The following PHKG1 variants were observed in gnomAD, a reference collection of about 807,000 sequenced individuals.
The protein encoded by PHKG1 is phosphorylase kinase catalytic subunit gamma 1.
Under a neutral mutation model 50.5 loss-of-function variants are expected in PHKG1, and 48 were observed. The ratio of observed to expected loss-of-function variants is 0.95; its 90% CI spans 0.75 to 1.21. The LOEUF (loss-of-function observed/expected upper bound fraction) is 1.21, where lower values mean the gene tolerates loss of function less well. Among genes scored for constraint, PHKG1 ranks in the 50% most tolerant of loss-of-function variants. PHKG1 has a pLI of 0.00. For missense variants in PHKG1, 487 were observed against 519.5 expected (o/e 0.94, Z 0.61); for synonymous variants, 204 against 212.8 (o/e 0.96, Z 0.36).
intron 1 of PHKG1, among the ~76,000 whole-genome samples, chr7:56,089,481 T>TC (rs1423673847): frequency 2.0e-5 from 3 of 150,818 alleles, no homozygotes; most frequent in African/African-American, 4.9e-5. Context: ...CGATTATAGC[T>TC]CACTGCCGGC....
chr7:56,089,084 G>T, intron 1 of PHKG1, 109 bp from the exon 2 acceptor site: 2 of 597,152 alleles, frequency 3.3e-6, no homozygotes, highest in South Asian at 2.1e-5. Context: ...CACTACACTG[G>T]CCTATAGTGA....
In PHKG1 at chr7:56,081,546, G is replaced by A. The variant is rs571015532; in HGVS notation, c.918+84C>T. 347 of 1,487,974 alleles carry A rather than the reference G, an allele frequency of 2.3e-4. 2 individuals are homozygous for A. The highest frequency in any genetic ancestry group is 1.4e-3 in the South Asian group (117 of 84,786). 92.2% of individuals were successfully genotyped at this position (1,487,974 alleles called of 1,614,324 possible). A position where few individuals can be genotyped will look rare whatever the true frequency, so the allele number is the denominator to read the frequency against. ...AGGGATGGGTACTCTGGAAATTCAC[G>A]GGGTGTAAGGACTCCTGGGAGAGGA... On this transcript the variant is annotated intron_variant, in intron 9 of 9. Coordinates refer to ENST00000297373, the MANE Select transcript of PHKG1 (RefSeq NM_006213.5). This position sits in a 1 kb window ranked among gnomAD's most constrained non-coding sequence, Gnocchi z 4.6.
At chr7:56,085,337 A>G (rs752556681) in intron 4 of PHKG1, among the ~76,000 whole-genome samples, 8 of 152,076 alleles carry the variant, frequency 5.3e-5, no homozygotes, top group African/African-American at 1.9e-4. Flanking sequence ...GCCTCAAGCA[A>G]TCCTCCCACC....
At chr7:56,091,558 T>G (rs917829455) in intron 1 of PHKG1, among the ~76,000 whole-genome samples, 2 of 151,172 alleles carry the variant, frequency 1.3e-5, no homozygotes, top group Admixed American at 6.6e-5. Context: ...GATGCAGGAT[T>G]TGAGGAATGC....
At position 56,081,335 on chromosome 7, in the gene PHKG1, C is replaced by T; in HGVS notation, c.919-36G>A. 1 of 1,576,120 alleles carries T rather than the reference C, an allele frequency of 6.3e-7. No homozygotes were observed. Among genetic ancestry groups the T allele is most frequent in the Non-Finnish European group, 8.6e-7 (1 of 1,167,820 alleles). On this transcript the variant is annotated intron_variant, in intron 9 of 9. Coordinates refer to ENST00000297373, the MANE Select transcript of PHKG1 (RefSeq NM_006213.5). The surrounding 1 kb of genome is among the most constrained non-coding windows in gnomAD (Gnocchi z 4.6). ...AGGCGGAGAAGCTGGGCTGCAGCCCCCGCCCTGCCAGGCCCTGCCCCTCCA... is the reference window on the plus strand; with the variant it reads ...AGGCGGAGAAGCTGGGCTGCAGCCCTCGCCCTGCCAGGCCCTGCCCCTCCA...
rs141230469 is a variant in PHKG1, at chr7:56,081,068, C to T, written c.1150G>A (p.Glu384Lys). 53 of 1,612,410 alleles carry T rather than the reference C, an allele frequency of 3.3e-5. No individual in the cohort carries two copies. Among genetic ancestry groups the T allele is most frequent in the Middle Eastern group, 2.0e-4 (1 of 4,980 alleles). The part of the protein sequence containing the change: ...TPKAVLLSLA[E>K]EDY ...TGGCCAGCCCCTCAGTAGTCCTCCT[C>T]GGCCAGGGAGAGGAGCACGGCCTTG... is the stretch of plus-strand genomic sequence containing the variant. The change falls in exon 10 of 10, where the codon GAG becomes AAG. Residue 384 changes from glutamate (E) to lysine (K), a missense_variant. Glu to Lys is a moderately conservative substitution (Grantham distance 56). Transcript: ENST00000297373. This position sits in a 1 kb window ranked among gnomAD's most constrained non-coding sequence, Gnocchi z 4.6.
chr7:56,088,138 A>C (rs984562432), intron 2 of PHKG1, among the ~76,000 whole-genome samples: 1 of 149,668 alleles, frequency 6.7e-6, no homozygotes, highest in Non-Finnish European at 1.5e-5. Context: ...GGGTTCAAGC[A>C]ATTCTCTTGC....
rs1584615013 is a variant in PHKG1, at chr7:56,080,725, G to A, written c.*329C>T. On this transcript the variant is annotated 3_prime_UTR_variant, in exon 10 of 10. Transcript: ENST00000297373. Reference sequence around the variant, plus strand: ...GACCCTAAGGGAAGAAAGCCTGAGTGTCAGTAACTCTGGGCCTCCCCTAAA... The same window carrying A: ...GACCCTAAGGGAAGAAAGCCTGAGTATCAGTAACTCTGGGCCTCCCCTAAA... 2.8e-6 allele frequency: 1 copy of A among 359,698 alleles called. No individual in the cohort carries two copies. The highest frequency in any genetic ancestry group is 6.0e-5 in the East Asian group (1 of 16,544). The allele number at this position is 359,698 out of a possible 1,614,324, so 22.3% of individuals were successfully genotyped here. A position where few individuals can be genotyped will look rare whatever the true frequency, so the allele number is the denominator to read the frequency against.
chr7:56,083,172 T>A, intron 6 of PHKG1, 106 bp downstream of exon 6: 5 of 982,612 alleles, frequency 5.1e-6, no homozygotes, highest in Non-Finnish European at 7.5e-6. Flanking sequence ...GAATTTTTAT[T>A]CCAGGGAACA....
chr7:56,085,208 G>C (rs1796202585), intron 4 of PHKG1, among the ~76,000 whole-genome samples: 1 of 151,936 alleles, frequency 6.6e-6, no homozygotes, highest in African/African-American at 2.4e-5. Flanking sequence ...TGATCCGCCT[G>C]CCTCAGCCTC....
In PHKG1 at chr7:56,080,418, C is replaced by A. The variant is rs1288659995; in HGVS notation, c.*636G>T. 1 of 159,038 alleles carries A rather than the reference C, an allele frequency of 6.3e-6. No homozygotes were observed. The highest frequency in any genetic ancestry group is 2.4e-5 in the African/African-American group (1 of 41,370). 9.9% of individuals were successfully genotyped at this position (159,038 alleles called of 1,614,324 possible). ...AGCTGGGACTACAAGTGTGCACCACCATGCCTGGCTAATTTTTTGAATTTT... is the reference window on the plus strand; with the variant it reads ...AGCTGGGACTACAAGTGTGCACCACAATGCCTGGCTAATTTTTTGAATTTT... On this transcript the variant is annotated 3_prime_UTR_variant, in exon 10 of 10. Coordinates refer to ENST00000297373, the MANE Select transcript of PHKG1 (RefSeq NM_006213.5).
chr7:56,081,944 G>A lies in PHKG1; in HGVS notation c.741C>T (p.Tyr247=). Reference sequence around the variant, plus strand: ...CATCCCACTCGGGCGAGCCAAACTGGTAGTTGCCGCTCATGATCATCCTCA... The same window carrying A: ...CATCCCACTCGGGCGAGCCAAACTGATAGTTGCCGCTCATGATCATCCTCA... ...LMLRMIMSGN[Y]QFGSPEWDDY... The change falls in exon 8 of 10, where the codon TAC becomes TAT. Residue 247 remains tyrosine, a synonymous_variant. Coordinates refer to ENST00000297373, the MANE Select transcript of PHKG1 (RefSeq NM_006213.5). This position sits in a 1 kb window ranked among gnomAD's most constrained non-coding sequence, Gnocchi z 4.6. 1 of 1,613,912 alleles carries A rather than the reference G, an allele frequency of 6.2e-7. No individual in the cohort carries two copies. Among genetic ancestry groups the A allele is most frequent in the African/African-American group, 1.3e-5 (1 of 75,068 alleles).
chr7:56,088,033 G>GTTT (rs1796340386), intron 2 of PHKG1, among the ~76,000 whole-genome samples: 1 of 94,356 alleles, frequency 1.1e-5, no homozygotes, highest in Non-Finnish European at 2.2e-5. Context: ...GCCGTTCAGT[G>GTTT]CTTTTTTTTT....
rs913823282 is a variant in PHKG1 at position 56,083,055 on chromosome 7, G to A, written c.547+223C>T. ...CGGGAGGTGGAAGTTGCAGTGAGCC[G>A]AGATTGTGCCACTGCACTCCAGCCT... On this transcript the variant is annotated intron_variant, in intron 6 of 9. Transcript: ENST00000297373. 11 of 459,576 alleles carry A rather than the reference G, an allele frequency of 2.4e-5. No homozygotes were observed. The Admixed American group carries it at 3.6e-4, about 15-fold the overall frequency. The allele number at this position is 459,576 out of a possible 1,614,324, so 28.5% of individuals were successfully genotyped here.
Position 56,080,923 on chromosome 7 carries a change from G to A in PHKG1, c.*131C>T. ...CCTTTGAGAGGGGATCGTGGCCTCA[G>A]TTCCAGGGGTTCCTGGCCAGGGCCA... On this transcript the variant is annotated 3_prime_UTR_variant, in exon 10 of 10. Coordinates refer to ENST00000297373, the MANE Select transcript of PHKG1 (RefSeq NM_006213.5). 1.3e-5 allele frequency: 14 copies of A among 1,093,984 alleles called. No individual in the cohort carries two copies. The highest frequency in any genetic ancestry group is 1.8e-5 in the Non-Finnish European group (14 of 772,110). 67.8% of individuals were successfully genotyped at this position (1,093,984 alleles called of 1,614,324 possible).
In PHKG1 at chr7:56,081,055, C is replaced by T; in HGVS notation, c.1163G>A (p.Ter388=). The part of the protein sequence containing the change: ...VLLSLAEEDY[*] ...AGCCCTCCCTGACTGGCCAGCCCCT[C>T]AGTAGTCCTCCTCGGCCAGGGAGAG... Residue 388 remains the stop codon, a stop_retained_variant, in exon 10 of 10, where the codon TGA becomes TAA. Coordinates refer to ENST00000297373, the MANE Select transcript of PHKG1 (RefSeq NM_006213.5). This position sits in a 1 kb window ranked among gnomAD's most constrained non-coding sequence, Gnocchi z 4.6. 1 of 1,612,088 alleles carries T rather than the reference C, an allele frequency of 6.2e-7. No individual in the cohort carries two copies. The highest frequency in any genetic ancestry group is 8.5e-7 in the Non-Finnish European group (1 of 1,179,852).
chr7:56,081,909 T>A lies in PHKG1; in HGVS notation c.776A>T (p.Asp259Val), dbSNP rs779686431. ...FGSPEWDDYSDTVKDLVSRFL... is the reference protein window; with the variant it reads ...FGSPEWDDYSVTVKDLVSRFL... ...GCCTCTCACCAGGTCCTTCACGGTG[T>A]CCGAGTAATCATCCCACTCGGGCGA... Residue 259 changes from aspartate to valine, a missense_variant, in exon 8 of 10, where the codon GAC becomes GTC. Physicochemically the swap from Asp to Val is radical, Grantham distance 152. Transcript: ENST00000297373. The surrounding 1 kb of genome is among the most constrained non-coding windows in gnomAD (Gnocchi z 4.6). 6.2e-7 allele frequency: 1 copy of A among 1,613,552 alleles called. No individual in the cohort carries two copies. Among genetic ancestry groups the A allele is most frequent in the East Asian group, 2.2e-5 (1 of 44,862 alleles).
intron 1 of PHKG1, among the ~76,000 whole-genome samples, chr7:56,091,207 ACT>A (rs1388732068): frequency 6.8e-6 from 1 of 147,740 alleles, no homozygotes; most frequent in Non-Finnish European, 1.5e-5. Context: ...AGTGAGTGAG[ACT>A]CTGTCTCAAA....
chr7:56,081,710 C>T lies in PHKG1; in HGVS notation c.838G>A (p.Glu280Lys). ...AAGAAGGGGTGTGCCAAGGCCTCTTCCGCTGTGTAGCGGTTCTGGGGTTGC... is the reference window on the plus strand; with the variant it reads ...AAGAAGGGGTGTGCCAAGGCCTCTTTCGCTGTGTAGCGGTTCTGGGGTTGC... ...VVQPQNRYTA[E>K]EALAHPFFQQ... The change falls in exon 9 of 10, where the codon GAA (glutamate) becomes AAA (lysine). Residue 280 changes from glutamate to lysine, a missense_variant. Coordinates refer to ENST00000297373, the MANE Select transcript of PHKG1 (RefSeq NM_006213.5). This position sits in a 1 kb window ranked among gnomAD's most constrained non-coding sequence, Gnocchi z 4.6. The T allele has an allele frequency of 1.2e-6, 2 of 1,614,022 alleles. No individual in the cohort carries two copies. The highest frequency in any genetic ancestry group is 2.2e-5 in the East Asian group (1 of 44,862).
Sources: gnomAD v4.1 joint callset for allele counts (sites outside exome capture counted in the v4.1 genomes callset) on GRCh38, gnomAD v4.1.1 for gene constraint, Gnocchi (gnomAD v3.1) non-coding constraint, MANE v1.5 for transcripts, NCBI Gene and HGNC (gene_info 2026-07-23, HGNC 2026-07-21) for gene names.